Variants in TRHDE observed in about 807,000 individuals in gnomAD.
TRHDE encodes the protein thyrotropin-releasing hormone-degrading ectoenzyme.
TRHDE carries 72 observed loss-of-function variants against 125.7 expected under a neutral mutation model. The observed-to-expected ratio is 0.57, with a 90% CI of 0.47 to 0.70. The LOEUF is 0.70. Ranked by LOEUF, TRHDE falls within the 30% of genes least tolerant of loss-of-function variation. The pLI is 0.00. For missense variants in TRHDE, 1,110 were observed against 1,327.1 expected (o/e 0.84, Z 2.54); for synonymous variants, 509 against 509.1 (o/e 1.00, Z 0.00).
intron 2 of TRHDE, among the ~76,000 whole-genome samples, chr12:72,144,211 T>C (rs1295967146): frequency 6.6e-6 from 1 of 152,186 alleles, no homozygotes; most frequent in Admixed American, 6.5e-5. Flanking sequence ...GGTTGACTTT[T>C]TAGGGGCCAC....
At position 72,647,001 on chromosome 12, in the gene TRHDE, C is replaced by T. The variant is rs146567202; in HGVS notation, c.2676-5321C>T. ...AACAGACATACACAGAATATCCTAC[C>T]GTCCGACAACAGAATATACATTCTT... is the stretch of plus-strand genomic sequence containing the variant. On this transcript the variant is annotated intron_variant, in intron 15 of 18. Transcript: ENST00000261180. Among the ~76,000 whole-genome samples, 7 of 151,938 alleles carry T rather than the reference C, an allele frequency of 4.6e-5. 1 individual carries two copies. The East Asian group carries it at 7.7e-4, about 17-fold the overall frequency.
intron 2 of TRHDE, among the ~76,000 whole-genome samples, chr12:72,164,982 C>T (rs1033878933): frequency 6.6e-6 from 1 of 152,148 alleles, no homozygotes; most frequent in African/African-American, 2.4e-5. Context: ...GTGCATTTAC[C>T]CTACAGCTGA....
At chr12:72,224,146 CTA>C (rs1565666711) in intron 2 of TRHDE, among the ~76,000 whole-genome samples, 1 of 46,360 alleles carries the variant, frequency 2.2e-5, no homozygotes, top group Admixed American at 2.1e-4. Flanking sequence ...ATCTATTTAT[CTA>C]TGTATGTATG....
chr12:72,181,888 C>T (rs1356527588), intron 2 of TRHDE, among the ~76,000 whole-genome samples: 2 of 152,120 alleles, frequency 1.3e-5, no homozygotes, highest in South Asian at 2.1e-4. Flanking sequence ...ACACCTCCCA[C>T]TTATTATGTT....
chr12:72,469,652 A>T, intron 3 of TRHDE, 106 bp from the exon 4 acceptor site: 1 of 1,264,034 alleles, frequency 7.9e-7, no homozygotes, highest in East Asian at 2.3e-5. Flanking sequence ...CACTAAGTAA[A>T]ATCAAGTATT....
chr12:72,517,000 G>A (rs1378881163), intron 6 of TRHDE, among the ~76,000 whole-genome samples: 6 of 152,066 alleles, frequency 3.9e-5, no homozygotes, highest in African/African-American at 1.4e-4. Context: ...AAGCCCACTT[G>A]ATCATGGTGG....
intron 1 of TRHDE, among the ~76,000 whole-genome samples, chr12:72,282,366 T>G (rs886814468): frequency 6.6e-6 from 1 of 152,176 alleles, no homozygotes; most frequent in Non-Finnish European, 1.5e-5. Context: ...CTTGTTATTT[T>G]TTTCTCAAAA....
At chr12:72,167,961 A>G (rs80191702) in intron 2 of TRHDE, among the ~76,000 whole-genome samples, 2,761 of 152,268 alleles carry the variant, frequency 0.018, 209 homozygotes, top group Admixed American at 0.13. Context: ...TAGGAAAAAG[A>G]GGCTAATCCT....
intron 15 of TRHDE, among the ~76,000 whole-genome samples, chr12:72,643,267 CT>C (rs765433074): frequency 3.6e-4 from 55 of 152,168 alleles, no homozygotes; most frequent in Admixed American, 4.6e-4. Flanking sequence ...GTAGCTGAGA[CT>C]GAGGACTATT....
chr12:72,212,545 A>G (rs979896081), intron 2 of TRHDE, among the ~76,000 whole-genome samples: 1 of 152,138 alleles, frequency 6.6e-6, no homozygotes, highest in Non-Finnish European at 1.5e-5. Context: ...TAAAATGGGT[A>G]AAGTGTTAGA....
chr12:72,652,494 G>A lies in TRHDE; in HGVS notation c.2843+5G>A. The A allele has an allele frequency of 6.3e-7, 1 of 1,591,642 alleles. No individual in the cohort carries two copies. The highest frequency in any genetic ancestry group is 8.6e-7 in the Non-Finnish European group (1 of 1,168,750). On this transcript the variant is annotated splice_donor_5th_base_variant and intron_variant, in intron 16 of 18. Coordinates refer to ENST00000261180, the MANE Select transcript of TRHDE (RefSeq NM_013381.3). ...TGACAGGAATTTATTAAACAGGTAG[G>A]CCGACTGATTTTCTAAATGTGTTTC...
chr12:72,163,145 A>G (rs960893441), intron 2 of TRHDE: 2 of 152,190 alleles, frequency 1.3e-5, no homozygotes, highest in African/African-American at 2.4e-5. Context: ...TTGTTTTTCA[A>G]AAAATTGAAA....
intron 13 of TRHDE, 74 bp downstream of exon 13, chr12:72,619,112 C>A: frequency 8.9e-7 from 1 of 1,117,864 alleles, no homozygotes; most frequent in Admixed American, 3.4e-5. Flanking sequence ...ATTATATATG[C>A]AACTGATGCC....
chr12:72,653,014 A>T lies in TRHDE; in HGVS notation c.2844-2A>T. The T allele has an allele frequency of 6.3e-7, 1 of 1,593,416 alleles. No individual in the cohort carries two copies. The highest frequency in any genetic ancestry group is 8.5e-7 in the Non-Finnish European group (1 of 1,171,964). The stretch of plus-strand genomic sequence containing the variant: ...AATTTTTACAAAATTCTATCTTTGA[A>T]GGCTTCTAAATCTGTCACTGAATTC... On this transcript the variant is annotated splice_acceptor_variant, in intron 16 of 18. Coordinates refer to ENST00000261180, the MANE Select transcript of TRHDE (RefSeq NM_013381.3). LOFTEE classifies it high-confidence loss of function.
intron 2 of TRHDE, among the ~76,000 whole-genome samples, chr12:72,347,143 A>G (rs1332531427): frequency 6.6e-6 from 1 of 152,104 alleles, no homozygotes; most frequent in African/African-American, 2.4e-5. Flanking sequence ...ATATTTCTAA[A>G]TAAATTCACA....
chr12:72,221,203 T>C (rs1485952877), intron 2 of TRHDE, among the ~76,000 whole-genome samples: 1 of 152,068 alleles, frequency 6.6e-6, no homozygotes. Context: ...AAAATATGTG[T>C]GTATGCGTTT....
At chr12:72,377,692 A>G (rs1871953088) in intron 2 of TRHDE, among the ~76,000 whole-genome samples, 1 of 152,064 alleles carries the variant, frequency 6.6e-6, no homozygotes, top group Non-Finnish European at 1.5e-5. Context: ...GTACCTTCCT[A>G]TCTCTAGCAA....
chr12:72,619,632 T>G (rs1592576460), intron 13 of TRHDE, among the ~76,000 whole-genome samples: 1 of 152,122 alleles, frequency 6.6e-6, no homozygotes, highest in African/African-American at 2.4e-5. Context: ...AAACCAAAAT[T>G]ACACTGCTCA....
intron 2 of TRHDE, among the ~76,000 whole-genome samples, chr12:72,170,218 G>A (rs1876839767): frequency 6.6e-6 from 1 of 152,128 alleles, no homozygotes; most frequent in African/African-American, 2.4e-5. Context: ...GATGACTTCT[G>A]AAGTAGATAA....
Sources: gnomAD v4.1 joint callset for allele counts (sites outside exome capture counted in the v4.1 genomes callset) on GRCh38, gnomAD v4.1.1 for gene constraint, MANE v1.5 for transcripts, NCBI Gene and HGNC (gene_info 2026-07-23, HGNC 2026-07-21) for gene names.